BCKDHB: variants seen among roughly 807,000 people sequenced by gnomAD.
BCKDHB encodes the protein branched chain keto acid dehydrogenase E1 subunit beta.
BCKDHB carries 41 observed loss-of-function variants against 48.5 expected under a neutral mutation model. The ratio of observed to expected loss-of-function variants is 0.85; its 90% CI spans 0.66 to 1.10. The LOEUF is 1.10. BCKDHB is among the 50% of genes least tolerant of loss of function. BCKDHB has a pLI of 0.00. For synonymous variants in BCKDHB, 201 were observed against 174.8 expected, an observed-to-expected ratio of 1.15 and a Z score of -1.18; for missense variants, 496 against 494.2, an observed-to-expected ratio of 1.00 and a Z score of -0.03.
intron 8 of BCKDHB, among the ~76,000 whole-genome samples, chr6:80,203,439 T>A (rs1774494016): frequency 6.6e-6 from 1 of 152,116 alleles, no homozygotes; most frequent in South Asian, 2.1e-4. Flanking sequence ...TTGTTTAAAA[T>A]ATTACAAAAT....
intron 8 of BCKDHB, among the ~76,000 whole-genome samples, chr6:80,245,277 G>A (rs1019681452): frequency 2.0e-5 from 3 of 150,558 alleles, no homozygotes. Flanking sequence ...CCAATAACAT[G>A]TTTATCAAAA....
At chr6:80,336,130 A>C (rs1431004466) in intron 9 of BCKDHB, among the ~76,000 whole-genome samples, 4 of 151,956 alleles carry the variant, frequency 2.6e-5, no homozygotes, top group Admixed American at 2.0e-4. Context: ...AATTGTTATA[A>C]TCTCTAAATT....
intron 9 of BCKDHB, among the ~76,000 whole-genome samples, chr6:80,314,691 C>T (rs546570648): frequency 6.6e-6 from 1 of 152,026 alleles, no homozygotes; most frequent in South Asian, 2.1e-4. Context: ...AGGCTGGAAC[C>T]GCTGAGTCGT....
the BCKDHB span, among the ~76,000 whole-genome samples, chr6:80,457,601 C>T: frequency 6.6e-6 from 1 of 152,176 alleles, no homozygotes; most frequent in Non-Finnish European, 1.5e-5. Context: ...GCTCAGCACT[C>T]TTGTGCTAAT....
At chr6:80,441,437 C>A in the BCKDHB span, among the ~76,000 whole-genome samples, 3 of 152,222 alleles carry the variant, frequency 2.0e-5, no homozygotes, top group South Asian at 2.1e-4. Flanking sequence ...CACAAGAGAA[C>A]CTGCCACTTA....
chr6:80,287,174 C>G (rs1392991524), intron 9 of BCKDHB, among the ~76,000 whole-genome samples: 3 of 152,116 alleles, frequency 2.0e-5, no homozygotes, highest in African/African-American at 7.2e-5. Flanking sequence ...TGCATAGAGT[C>G]AGAGAGATCC....
At chr6:80,274,417 A>G (rs1421396623) in intron 9 of BCKDHB, among the ~76,000 whole-genome samples, 1 of 152,026 alleles carries the variant, frequency 6.6e-6, no homozygotes, top group Non-Finnish European at 1.5e-5. Context: ...ATTATATAAC[A>G]TGAGTACCTA....
chr6:80,110,968 G>T (rs1054316308), intron 1 of BCKDHB, among the ~76,000 whole-genome samples: 2 of 152,136 alleles, frequency 1.3e-5, no homozygotes, highest in African/African-American at 2.4e-5. Context: ...CTGTATTTTT[G>T]ACTATTAGCA....
chr6:80,115,591 T>C (rs1769648585), intron 1 of BCKDHB, among the ~76,000 whole-genome samples: 2 of 152,174 alleles, frequency 1.3e-5, no homozygotes, highest in Non-Finnish European at 1.5e-5. Flanking sequence ...TCACCAGGCA[T>C]ATACTGATTG....
At chr6:80,339,755 T>C (rs370233694) in intron 9 of BCKDHB, among the ~76,000 whole-genome samples, 1 of 152,324 alleles carries the variant, frequency 6.6e-6, no homozygotes, top group African/African-American at 2.4e-5. Flanking sequence ...AGACTGAACT[T>C]AACTCATATG....
chr6:80,205,828 G>GTT (rs1029823442), intron 8 of BCKDHB, among the ~76,000 whole-genome samples: 1 of 146,270 alleles, frequency 6.8e-6, no homozygotes, highest in East Asian at 2.0e-4. Context: ...GTGTGTGTGT[G>GTT]TGTGTGTAGG....
chr6:80,175,534 C>G (rs1483915131), intron 6 of BCKDHB, among the ~76,000 whole-genome samples: 1 of 152,158 alleles, frequency 6.6e-6, no homozygotes, highest in African/African-American at 2.4e-5. Context: ...TAGTCCACTT[C>G]TAGGAATCCA....
intron 9 of BCKDHB, among the ~76,000 whole-genome samples, chr6:80,308,850 G>A (rs1398407595): frequency 6.6e-6 from 1 of 151,860 alleles, no homozygotes; most frequent in Non-Finnish European, 1.5e-5. Context: ...CCAAAGAGCT[G>A]GGTTACAGGT....
At chr6:80,347,468 A>G (rs1770264487), downstream of BCKDHB, among the ~76,000 whole-genome samples, 1 of 152,190 alleles carries the variant, frequency 6.6e-6, no homozygotes, top group Non-Finnish European at 1.5e-5. Context: ...GCAGAACAGG[A>G]CATGTGCGGT....
chr6:80,373,890 G>A, the BCKDHB span: 3 of 389,620 alleles, frequency 7.7e-6, no homozygotes, highest in Non-Finnish European at 9.7e-6. Context: ...TTAAGTTTAT[G>A]TGAATCCTTA....
intron 6 of BCKDHB, among the ~76,000 whole-genome samples, chr6:80,194,014 A>C (rs1774023597): frequency 6.6e-6 from 1 of 152,068 alleles, no homozygotes; most frequent in Admixed American, 6.6e-5. Context: ...CATTTTCTTC[A>C]TTTGTACTAG....
chr6:80,466,641 G>T, the BCKDHB span, among the ~76,000 whole-genome samples: 3 of 152,140 alleles, frequency 2.0e-5, no homozygotes, highest in East Asian at 1.9e-4. Context: ...ATTTTTATTT[G>T]TCAACCATTC....
chr6:80,151,026 A>G (rs960041585), intron 3 of BCKDHB, among the ~76,000 whole-genome samples: 15 of 152,192 alleles, frequency 9.9e-5, no homozygotes, highest in African/African-American at 2.7e-4. Flanking sequence ...ATACATGTGC[A>G]TATATGTGTA....
chr6:80,253,479 G>A (rs1487709910), intron 8 of BCKDHB, among the ~76,000 whole-genome samples: 3 of 151,990 alleles, frequency 2.0e-5, no homozygotes, highest in African/African-American at 7.2e-5. Flanking sequence ...TATAATTCTT[G>A]GGCTATGTAT....
Sources: allele counts gnomAD v4.1 joint callset (sites outside exome capture counted in the v4.1 genomes callset), GRCh38; gene constraint gnomAD v4.1.1; transcripts MANE v1.5; gene names NCBI Gene and HGNC (gene_info 2026-07-23, HGNC 2026-07-21).